The following EPHA5 variants were observed in gnomAD, a reference collection of about 807,000 sequenced individuals.
The protein encoded by EPHA5 is ephrin type-A receptor 5.
EPHA5 carries 60 observed loss-of-function variants against 105.0 expected under a neutral mutation model. The observed-to-expected ratio is 0.57, with a 90% CI of 0.46 to 0.71. The LOEUF is 0.71. Ranked by LOEUF, EPHA5 falls within the 30% of genes least tolerant of loss-of-function variation. EPHA5 has a pLI of 0.00. For missense variants in EPHA5, 1,218 were observed against 1,274.7 expected (o/e 0.96, Z 0.68); for synonymous variants, 513 against 449.1 (o/e 1.14, Z -1.80).
At chr4:65,567,012 C>T (rs1456110586) in intron 3 of EPHA5, among the ~76,000 whole-genome samples, 1 of 151,638 alleles carries the variant, frequency 6.6e-6, no homozygotes, top group Non-Finnish European at 1.5e-5. Context: ...TGACTACACA[C>T]ACCCATATAC....
intron 2 of EPHA5, among the ~76,000 whole-genome samples, chr4:65,603,253 G>A (rs1743915532): frequency 6.6e-6 from 1 of 152,014 alleles, no homozygotes; most frequent in Non-Finnish European, 1.5e-5. Flanking sequence ...GAATCTCGAT[G>A]TACCATAACC....
intron 8 of EPHA5, among the ~76,000 whole-genome samples, chr4:65,386,708 A>G (rs1720128066): frequency 6.6e-6 from 1 of 151,968 alleles, no homozygotes; most frequent in East Asian, 1.9e-4. Flanking sequence ...ATGTTAAGTA[A>G]AAAAAACAGA....
chr4:65,489,233 C>T (rs752564343), intron 5 of EPHA5, among the ~76,000 whole-genome samples: 1 of 152,110 alleles, frequency 6.6e-6, no homozygotes, highest in Non-Finnish European at 1.5e-5. Context: ...AATATAACCA[C>T]TTGATTTACC....
At chr4:65,560,589 G>C (rs2149356405) in intron 3 of EPHA5, among the ~76,000 whole-genome samples, 1 of 152,054 alleles carries the variant, frequency 6.6e-6, no homozygotes, top group East Asian at 1.9e-4. Flanking sequence ...CACTCTAGGA[G>C]AGATAGGGGA....
At chr4:65,396,097 G>C (rs1362547941) in intron 8 of EPHA5, among the ~76,000 whole-genome samples, 1 of 152,210 alleles carries the variant, frequency 6.6e-6, no homozygotes, top group Non-Finnish European at 1.5e-5. Context: ...TGCCCCTGTA[G>C]GCTCAGACGT....
At chr4:65,532,572 T>C (rs1037086320) in intron 3 of EPHA5, among the ~76,000 whole-genome samples, 1 of 150,218 alleles carries the variant, frequency 6.7e-6, no homozygotes, top group Admixed American at 6.7e-5. Context: ...TCCTGTCTTA[T>C]TCTTTTGAAA....
chr4:65,421,302 T>C (rs893019190), intron 5 of EPHA5, among the ~76,000 whole-genome samples: 7 of 152,066 alleles, frequency 4.6e-5, no homozygotes, highest in African/African-American at 1.7e-4. Context: ...AAAGTTCTTT[T>C]TATCAATCTG....
chr4:65,401,565 C>T (rs1170661308), intron 8 of EPHA5, among the ~76,000 whole-genome samples: 2 of 152,028 alleles, frequency 1.3e-5, no homozygotes, highest in African/African-American at 4.8e-5. Context: ...AACTATAAGC[C>T]TCAGATTCGT....
chr4:65,424,499 A>G (rs1485452581), intron 5 of EPHA5, among the ~76,000 whole-genome samples: 1 of 152,086 alleles, frequency 6.6e-6, no homozygotes, highest in Non-Finnish European at 1.5e-5. Context: ...TTGACATCTT[A>G]TTCTTCAGGT....
rs768872162 is a variant in EPHA5 at position 65,323,191 on chromosome 4, T to G, written c.*923A>C. On this transcript the variant is annotated 3_prime_UTR_variant, in exon 17 of 17. Coordinates refer to ENST00000613740, the MANE Select transcript of EPHA5 (RefSeq NM_001281766.3). ...GGGATTTAGTCTTATACACATTTCC[T>G]TTTAGTGAATAAAGAGATTAGCTTT... 1 of 228,746 alleles carries G rather than the reference T, an allele frequency of 4.4e-6. No homozygotes were observed. The highest frequency in any genetic ancestry group is 8.7e-6 in the Non-Finnish European group (1 of 115,240). 14.2% of individuals were successfully genotyped at this position (228,746 alleles called of 1,614,324 possible).
intron 3 of EPHA5, among the ~76,000 whole-genome samples, chr4:65,595,224 A>G (rs939175044): frequency 6.6e-6 from 1 of 151,818 alleles, no homozygotes; most frequent in Non-Finnish European, 1.5e-5. Context: ...AGAAAATTTC[A>G]TAACTTTTAA....
chr4:65,392,578 A>G (rs954376890), intron 8 of EPHA5, among the ~76,000 whole-genome samples: 2 of 152,148 alleles, frequency 1.3e-5, no homozygotes, highest in African/African-American at 2.4e-5. Context: ...CAATGGTATA[A>G]GCATGTCCAG....
At chr4:65,506,422 C>T (rs1170983675) in intron 3 of EPHA5, among the ~76,000 whole-genome samples, 1 of 145,510 alleles carries the variant, frequency 6.9e-6, no homozygotes, top group Non-Finnish European at 1.5e-5. Context: ...GAGGAATCGC[C>T]ACACTGTCTT....
At chr4:65,439,084 G>T (rs1725765401) in intron 5 of EPHA5, among the ~76,000 whole-genome samples, 1 of 152,082 alleles carries the variant, frequency 6.6e-6, no homozygotes, top group Admixed American at 6.6e-5. Context: ...TACAGGTGAA[G>T]ATACTGAGGT....
At chr4:65,515,482 T>C (rs1734020550) in intron 3 of EPHA5, among the ~76,000 whole-genome samples, 1 of 152,182 alleles carries the variant, frequency 6.6e-6, no homozygotes, top group Non-Finnish European at 1.5e-5. Context: ...AGAAGATACA[T>C]GACTCCTCTA....
Position 65,331,301 on chromosome 4 carries a change from C to A in EPHA5, c.2945+672G>T, listed in dbSNP as rs142242964. On this transcript the variant is annotated intron_variant, in intron 16 of 16. Transcript: ENST00000613740. The stretch of plus-strand genomic sequence containing the variant: ...TACAGAGTATATAATAAAATACAAA[C>A]AACTTACAACCTTAAAGAACTTAAT... The A allele has an allele frequency of 6.0e-4, 624 of 1,033,236 alleles. 4 individuals carry two copies. The African/African-American group carries it at 8.3e-3, about 14-fold the overall frequency. The allele number at this position is 1,033,236 out of a possible 1,614,324, so 64.0% of individuals were successfully genotyped here.
intron 5 of EPHA5, among the ~76,000 whole-genome samples, chr4:65,482,076 T>G (rs1730419618): frequency 6.6e-6 from 1 of 152,100 alleles, no homozygotes; most frequent in South Asian, 2.1e-4. Context: ...GGCAGGTGTA[T>G]CACCTGAGGT....
chr4:65,528,240 G>T (rs1000467561), intron 3 of EPHA5, among the ~76,000 whole-genome samples: 2 of 152,100 alleles, frequency 1.3e-5, no homozygotes, highest in African/African-American at 4.8e-5. Flanking sequence ...AACCATAGGT[G>T]CTCTGAGTCA....
chr4:65,585,216 T>C (rs1742003272), intron 3 of EPHA5, among the ~76,000 whole-genome samples: 1 of 151,688 alleles, frequency 6.6e-6, no homozygotes, highest in Non-Finnish European at 1.5e-5. Flanking sequence ...GAATTTGCTA[T>C]AAATGAATTG....
Sources: allele counts gnomAD v4.1 joint callset (sites outside exome capture counted in the v4.1 genomes callset), GRCh38; gene constraint gnomAD v4.1.1; transcripts MANE v1.5; gene names NCBI Gene and HGNC (gene_info 2026-07-23, HGNC 2026-07-21).